The following MYO16 variants were observed in gnomAD, a reference collection of about 807,000 sequenced individuals.
MYO16 encodes the protein unconventional myosin-XVI.
A neutral mutation model predicts 205.3 loss-of-function variants in MYO16; 94 were observed. The observed-to-expected ratio is 0.46, with a 90% CI of 0.39 to 0.54. The LOEUF is 0.54. Among genes scored for constraint, MYO16 ranks in the 20% least tolerant of loss-of-function variants. The probability of loss-of-function intolerance (pLI) is 0.00; values close to 1 mark genes in which losing one functional copy is unlikely to be tolerated. For missense variants in MYO16, 2,315 were observed against 2,387.5 expected, an observed-to-expected ratio of 0.97 and a Z score of 0.63; for synonymous variants, 988 against 954.0, an observed-to-expected ratio of 1.04 and a Z score of -0.66.
At chr13:108,580,396 A>G in the MYO16 span, among the ~76,000 whole-genome samples, 1 of 152,316 alleles carries the variant, frequency 6.6e-6, no homozygotes, top group South Asian at 2.1e-4. Flanking sequence ...TCAAACATCT[A>G]AAGTTGTTTA....
intron 2 of MYO16, among the ~76,000 whole-genome samples, chr13:108,682,356 G>A (rs1403654501): frequency 6.6e-6 from 1 of 151,816 alleles, no homozygotes; most frequent in Non-Finnish European, 1.5e-5. Context: ...AGAGGCCCAG[G>A]TTTGTGTCTT....
At chr13:108,572,330 T>A in the MYO16 span, among the ~76,000 whole-genome samples, 1 of 152,150 alleles carries the variant, frequency 6.6e-6, no homozygotes, top group Non-Finnish European at 1.5e-5. Context: ...CCCACTAACC[T>A]TTGGGTATAA....
intron 34 of MYO16, among the ~76,000 whole-genome samples, chr13:109,182,110 A>AC: frequency 6.6e-6 from 1 of 152,246 alleles, no homozygotes; most frequent in South Asian, 2.1e-4. Context: ...GAGCCACTGC[A>AC]CCTGGCCTGT....
intron 20 of MYO16, among the ~76,000 whole-genome samples, chr13:108,976,761 C>T (rs1286664471): frequency 1.3e-5 from 2 of 152,060 alleles, no homozygotes; most frequent in Admixed American, 6.6e-5. Flanking sequence ...TTTCTTTGTC[C>T]ATTTCATGCA....
intron 4 of MYO16, among the ~76,000 whole-genome samples, chr13:108,755,796 A>C (rs1885404653): frequency 6.6e-6 from 1 of 152,190 alleles, no homozygotes; most frequent in South Asian, 2.1e-4. Context: ...ACGTCAGTGC[A>C]CTCAGTAGAG....
chr13:108,733,689 G>T (rs147973817), intron 4 of MYO16, among the ~76,000 whole-genome samples: 1 of 152,192 alleles, frequency 6.6e-6, no homozygotes, highest in Non-Finnish European at 1.5e-5. Flanking sequence ...AGGGCCGGGC[G>T]TGGTGGATCA....
At chr13:109,142,512 A>G (rs1186084805) in intron 32 of MYO16, among the ~76,000 whole-genome samples, 1 of 152,058 alleles carries the variant, frequency 6.6e-6, no homozygotes, top group East Asian at 1.9e-4. Flanking sequence ...CTAAGTAACA[A>G]AAGGACCCAA....
intron 1 of MYO16, among the ~76,000 whole-genome samples, chr13:108,647,860 T>A (rs1488117890): frequency 6.6e-6 from 1 of 152,144 alleles, no homozygotes; most frequent in African/African-American, 2.4e-5. Context: ...AAATTCCAAA[T>A]AATAGATTTG....
At chr13:109,102,501 T>C (rs1889002360) in intron 28 of MYO16, among the ~76,000 whole-genome samples, 1 of 4,494 alleles carries the variant, frequency 2.2e-4, no homozygotes, top group South Asian at 0.036. Flanking sequence ...TATATGTGTG[T>C]GTGTGTGTAT....
intron 4 of MYO16, among the ~76,000 whole-genome samples, chr13:108,749,644 G>A (rs1283243715): frequency 2.6e-5 from 4 of 152,188 alleles, no homozygotes; most frequent in Non-Finnish European, 5.9e-5. Flanking sequence ...CAGAGGTAAC[G>A]ATGTGGAGCA....
chr13:109,089,265 G>GT (rs972674992), intron 27 of MYO16, among the ~76,000 whole-genome samples: 21 of 151,774 alleles, frequency 1.4e-4, no homozygotes, highest in African/African-American at 4.8e-4. Context: ...CCAGGCTGGA[G>GT]TGCAGTGGCA....
chr13:108,971,676 T>C (rs1220884740), intron 20 of MYO16, among the ~76,000 whole-genome samples: 1 of 152,072 alleles, frequency 6.6e-6, no homozygotes, highest in Admixed American at 6.6e-5. Context: ...TGAATTCTTA[T>C]ATTACATTCT....
chr13:108,922,695 T>C (rs1418510930), intron 16 of MYO16, among the ~76,000 whole-genome samples: 2 of 152,206 alleles, frequency 1.3e-5, no homozygotes, highest in Non-Finnish European at 2.9e-5. Flanking sequence ...TTGGAGTTGA[T>C]GACATATTGT....
At chr13:109,155,869 CTG>C (rs1398767673) in intron 32 of MYO16, among the ~76,000 whole-genome samples, 1 of 152,186 alleles carries the variant, frequency 6.6e-6, no homozygotes, top group African/African-American at 2.4e-5. Flanking sequence ...AGATTAGCCT[CTG>C]TGGTTCTTTA....
intron 4 of MYO16, among the ~76,000 whole-genome samples, chr13:108,752,344 A>C (rs1452976791): frequency 2.6e-5 from 4 of 152,170 alleles, no homozygotes; most frequent in Admixed American, 2.6e-4. Flanking sequence ...TTCCCTATAT[A>C]AACAGTCACC....
intron 20 of MYO16, among the ~76,000 whole-genome samples, chr13:108,976,327 C>G (rs959443809): frequency 1.3e-5 from 2 of 152,010 alleles, no homozygotes; most frequent in African/African-American, 4.8e-5. Context: ...TGGAAAAGGA[C>G]AGGAGATATA....
intron 20 of MYO16, among the ~76,000 whole-genome samples, chr13:108,965,416 C>A (rs182470063): frequency 2.4e-3 from 359 of 151,538 alleles, no homozygotes; most frequent in African/African-American, 8.3e-3. Context: ...TTTTATTTTT[C>A]TTTTTCTGAG....
chr13:108,886,540 C>A (rs905403560), intron 13 of MYO16: 2 of 455,148 alleles, frequency 4.4e-6, no homozygotes, highest in Admixed American at 2.4e-5. Flanking sequence ...CCTGGTGCCC[C>A]CTTCTCAGTT....
In MYO16 at chr13:108,664,092, T is replaced by C. The variant is rs536351528; in HGVS notation, c.29-1794T>C. ...TCGTTTCAGAACCACTGTTGTCTAT[T>C]TGCGTTTAGGTTACTGGACAGGGAA... On this transcript the variant is annotated intron_variant, in intron 1 of 34. Transcript: ENST00000457511. 1.2e-3 allele frequency among the ~76,000 whole-genome samples: 180 copies of C among 152,344 alleles called. 1 individual carries two copies. Among genetic ancestry groups the C allele is most frequent in the Non-Finnish European group, 1.9e-3 (128 of 68,034 alleles).
Sources: allele counts gnomAD v4.1 joint callset (sites outside exome capture counted in the v4.1 genomes callset), GRCh38; gene constraint gnomAD v4.1.1; transcripts MANE v1.5; gene names NCBI Gene and HGNC (gene_info 2026-07-23, HGNC 2026-07-21).